The following NUMB variants were observed in gnomAD, a reference collection of about 807,000 sequenced individuals.
The protein encoded by NUMB is NUMB endocytic adaptor protein.
Under a neutral mutation model 59.7 loss-of-function variants are expected in NUMB, and 29 were observed. That is an observed-to-expected ratio of 0.49 (90% CI 0.36 to 0.66). The LOEUF is 0.66. NUMB is among the 30% of genes least tolerant of loss of function. The pLI, the probability that NUMB is intolerant of heterozygous loss-of-function variation, is 0.00. For synonymous variants in NUMB, 288 were observed against 288.2 expected (o/e 1.00, Z 0.01); for missense variants, 723 against 822.0 (o/e 0.88, Z 1.47).
At chr14:73,384,648 A>C (rs1435235761) in intron 2 of NUMB, among the ~76,000 whole-genome samples, 1 of 152,054 alleles carries the variant, frequency 6.6e-6, no homozygotes, top group Non-Finnish European at 1.5e-5. Context: ...GCTAACTGCA[A>C]CCTCTGCCTC....
chr14:73,399,961 C>G (rs1005345752), intron 2 of NUMB, among the ~76,000 whole-genome samples: 1 of 151,726 alleles, frequency 6.6e-6, no homozygotes, highest in African/African-American at 2.4e-5. Flanking sequence ...ATCGTTTGAA[C>G]GCAGGAGATG....
In NUMB at chr14:73,367,348, T is replaced by TATATATAGAGAGAGAGAGAG. The variant is rs1555375287; in HGVS notation, c.-100-368_-100-367insCTCTCTCTCTCTCTATATAT. Among the ~76,000 whole-genome samples, 282 of 105,280 alleles carry TATATATAGAGAGAGAGAGAG rather than the reference T, an allele frequency of 2.7e-3. 1 individual carries two copies. The highest frequency in any genetic ancestry group is 0.012 in the African/African-American group (237 of 19,950). The allele number at this position is 105,280 out of a possible 152,430, so 69.1% of individuals were successfully genotyped here. A position where few individuals can be genotyped will look rare whatever the true frequency, so the allele number is the denominator to read the frequency against. On this transcript the variant is annotated intron_variant, in intron 2 of 12. Transcript: ENST00000555238. ...ATATATACATATATATATATATATA[T>TATATATAGAGAGAGAGAGAG]AGAGAGAGAGAGAGAGAGAGAGAGA...
chr14:73,408,785 G>A (rs1896788051), intron 2 of NUMB, among the ~76,000 whole-genome samples: 1 of 150,272 alleles, frequency 6.7e-6, no homozygotes, highest in African/African-American at 2.4e-5. Context: ...GCTGAAGCTG[G>A]AGAATCACTT....
At chr14:73,327,322 T>C (rs1319963441) in intron 4 of NUMB, among the ~76,000 whole-genome samples, 1 of 152,200 alleles carries the variant, frequency 6.6e-6, no homozygotes, top group Non-Finnish European at 1.5e-5. Flanking sequence ...AGTGGTGCAA[T>C]CTCAGCTCAC....
At chr14:73,331,819 A>C (rs908129868) in intron 4 of NUMB, among the ~76,000 whole-genome samples, 2 of 152,064 alleles carry the variant, frequency 1.3e-5, no homozygotes, top group African/African-American at 4.8e-5. Context: ...TTCTGCCACG[A>C]TTGCAAGTTT....
intron 2 of NUMB, among the ~76,000 whole-genome samples, chr14:73,378,359 CA>C (rs982865322): frequency 6.6e-5 from 10 of 152,146 alleles, no homozygotes; most frequent in African/African-American, 2.4e-4. Flanking sequence ...TACAAAACTG[CA>C]CATACTCTTC....
At chr14:73,340,452 C>A (rs889308450) in intron 4 of NUMB, among the ~76,000 whole-genome samples, 1 of 152,224 alleles carries the variant, frequency 6.6e-6, no homozygotes, top group Non-Finnish European at 1.5e-5. Context: ...TGCCTTGTCT[C>A]ACAACCCTAA....
At chr14:73,336,599 C>T (rs1892328289) in intron 4 of NUMB, among the ~76,000 whole-genome samples, 1 of 152,116 alleles carries the variant, frequency 6.6e-6, no homozygotes, top group African/African-American at 2.4e-5. Flanking sequence ...ACACCCCAGG[C>T]TTTCATCTGG....
At chr14:73,397,276 G>A (rs1226391112) in intron 2 of NUMB, among the ~76,000 whole-genome samples, 1 of 152,138 alleles carries the variant, frequency 6.6e-6, no homozygotes, top group African/African-American at 2.4e-5. Context: ...CAAGGACCAT[G>A]CTGAGAATCA....
At chr14:73,363,404 G>A (rs748612702) in intron 3 of NUMB, among the ~76,000 whole-genome samples, 12 of 152,022 alleles carry the variant, frequency 7.9e-5, no homozygotes, top group Non-Finnish European at 1.6e-4. Flanking sequence ...AAACCATTTA[G>A]AATACTGCAT....
chr14:73,281,499 C>T (rs1214532683), intron 11 of NUMB: 1 of 152,154 alleles, frequency 6.6e-6, no homozygotes, highest in Non-Finnish European at 1.5e-5. Context: ...CCAGTAGAAG[C>T]AGGGCACTAT....
chr14:73,360,777 TCTA>T (rs1297651805), intron 3 of NUMB, among the ~76,000 whole-genome samples: 2 of 152,238 alleles, frequency 1.3e-5, no homozygotes, highest in Admixed American at 6.6e-5. Context: ...GACGTCTTTT[TCTA>T]CTTTCTAAAT....
intron 2 of NUMB, chr14:73,409,354 A>C (rs1566784702): frequency 6.6e-6 from 1 of 152,336 alleles, no homozygotes; most frequent in South Asian, 2.1e-4. Context: ...CCATGCTGTG[A>C]AGAAGCCAAG....
At chr14:73,289,520 A>G (rs1889245644) in intron 8 of NUMB, among the ~76,000 whole-genome samples, 1 of 151,432 alleles carries the variant, frequency 6.6e-6, no homozygotes, top group South Asian at 2.1e-4. Flanking sequence ...AAATCACATC[A>G]CGTAGGCAGC....
chr14:73,351,758 C>T (rs1012925820), intron 4 of NUMB, among the ~76,000 whole-genome samples: 10 of 151,884 alleles, frequency 6.6e-5, no homozygotes, highest in African/African-American at 2.2e-4. Context: ...GGGTGGATCA[C>T]GAGGTCAGGA....
At chr14:73,313,485 ATTTAATT>A (rs1890891967) in intron 6 of NUMB, among the ~76,000 whole-genome samples, 1 of 150,810 alleles carries the variant, frequency 6.6e-6, no homozygotes, top group Non-Finnish European at 1.5e-5. Context: ...GCACAAAATT[ATTTAATT>A]ATACAATAAT....
chr14:73,419,239 G>A (rs937643224), intron 1 of NUMB, among the ~76,000 whole-genome samples: 2 of 152,128 alleles, frequency 1.3e-5, no homozygotes, highest in African/African-American at 4.8e-5. Context: ...GGCTGGGCGC[G>A]GTGGCTCACG....
intron 2 of NUMB, among the ~76,000 whole-genome samples, chr14:73,367,668 C>A (rs538551096): frequency 6.6e-6 from 1 of 150,438 alleles, no homozygotes; most frequent in African/African-American, 2.4e-5. Context: ...CCAACTACTC[C>A]GGAGGCTGAG....
chr14:73,286,451 T>C (rs1297191363), intron 9 of NUMB: 1 of 152,442 alleles, frequency 6.6e-6, no homozygotes, highest in African/African-American at 2.4e-5. Flanking sequence ...TATCATTTAG[T>C]TGTAAAATAT....
Sources: gnomAD v4.1 joint callset for allele counts (sites outside exome capture counted in the v4.1 genomes callset) on GRCh38, gnomAD v4.1.1 for gene constraint, MANE v1.5 for transcripts, NCBI Gene and HGNC (gene_info 2026-07-23, HGNC 2026-07-21) for gene names.